Variants in FAAH2 observed in about 807,000 individuals in gnomAD.
FAAH2 encodes the protein fatty-acid amide hydrolase 2.
Under a neutral mutation model 36.9 loss-of-function variants are expected in FAAH2, and 60 were observed. The observed-to-expected ratio is 1.63, with a 90% CI of 1.32 to 2.02. FAAH2 has a LOEUF of 2.02. Among genes scored for constraint, FAAH2 ranks in the 30% most tolerant of loss-of-function variants. FAAH2 has a pLI of 0.00. For missense variants in FAAH2, 689 were observed against 397.5 expected (o/e 1.73, Z -6.23); for synonymous variants, 214 against 143.8 (o/e 1.49, Z -3.49).
At chrX:57,228,249 C>T in the FAAH2 span, among the ~76,000 whole-genome samples, 1 of 111,456 alleles carries the variant, frequency 9.0e-6, no homozygotes, top group South Asian at 3.8e-4. Context: ...TGGCCACCCT[C>T]CTGATGGATC....
the FAAH2 span, among the ~76,000 whole-genome samples, chrX:57,183,054 T>G: frequency 9.0e-6 from 1 of 110,588 alleles, no homozygotes; most frequent in African/African-American, 3.3e-5. Flanking sequence ...CATGGAGGCC[T>G]ACCTGAGGGC....
At chrX:57,331,918 C>A in intron 4 of FAAH2, 111 bp downstream of exon 4, 1 of 743,571 alleles carries the variant, frequency 1.3e-6, no homozygotes, top group South Asian at 3.0e-5. Flanking sequence ...AGAATGGATG[C>A]AAAAACCCAG....
At chrX:57,229,544 G>A in the FAAH2 span, 1 of 111,657 alleles carries the variant, frequency 9.0e-6, no homozygotes, top group Non-Finnish European at 1.9e-5. Context: ...CTGTCTGATG[G>A]AAAGGGTAGC....
At chrX:57,203,673 G>A in the FAAH2 span, among the ~76,000 whole-genome samples, 1 of 111,862 alleles carries the variant, frequency 8.9e-6, no homozygotes, top group East Asian at 2.8e-4. Flanking sequence ...AAATCACAGA[G>A]CCTCCAAGTA....
chrX:57,432,451 A>C (rs1199767328), intron 8 of FAAH2, among the ~76,000 whole-genome samples: 2 of 111,788 alleles, frequency 1.8e-5, no homozygotes, highest in African/African-American at 3.2e-5. Context: ...ATAAAGCCTT[A>C]AGTGATTAGG....
chrX:57,303,804 A>G (rs1034918543), intron 2 of FAAH2, among the ~76,000 whole-genome samples: 1 of 112,169 alleles, frequency 8.9e-6, no homozygotes, highest in Non-Finnish European at 1.9e-5. Flanking sequence ...TTTTTTTAAC[A>G]TAAGTAAGCT....
intron 6 of FAAH2, among the ~76,000 whole-genome samples, chrX:57,379,351 A>G (rs952315223): frequency 9.0e-6 from 1 of 111,378 alleles, no homozygotes; most frequent in Non-Finnish European, 1.9e-5. Flanking sequence ...ACATTTTTCT[A>G]GGTCTCCAGC....
intron 7 of FAAH2, among the ~76,000 whole-genome samples, chrX:57,385,903 G>A (rs2055010192): frequency 8.8e-5 from 2 of 22,630 alleles, no homozygotes. Context: ...GTGAGACTCC[G>A]TTAAAAAAAA....
chrX:57,331,947 GAGA>G, intron 4 of FAAH2, 140 bp downstream of exon 4: 1 of 570,669 alleles, frequency 1.8e-6, no homozygotes, highest in Non-Finnish European at 2.7e-6. Context: ...TGTGTTGATG[GAGA>G]AGAAATGGGA....
intron 7 of FAAH2, chrX:57,393,545 A>T (rs758422753): frequency 5.1e-6 from 5 of 971,759 alleles, no homozygotes; most frequent in Non-Finnish European, 7.4e-6. Context: ...GCCTGCATGG[A>T]CAAACACTGG....
chrX:57,332,587 G>A (rs951430885), intron 4 of FAAH2, among the ~76,000 whole-genome samples: 1 of 111,820 alleles, frequency 8.9e-6, no homozygotes, highest in Admixed American at 9.5e-5. Context: ...CAGCTTTAGA[G>A]AAACCTAAGC....
chrX:57,381,148 G>A (rs2054836562), intron 7 of FAAH2, 119 bp downstream of exon 7: 1 of 499,918 alleles, frequency 2.0e-6, no homozygotes, highest in Non-Finnish European at 3.3e-6. Flanking sequence ...AAGGTTTTCA[G>A]AACAGTTATA....
the FAAH2 span, among the ~76,000 whole-genome samples, chrX:57,165,317 C>T: frequency 3.6e-5 from 4 of 111,557 alleles, no homozygotes; most frequent in Non-Finnish European, 5.7e-5. Flanking sequence ...TAGACTGGAT[C>T]AAGAAAATGT....
At chrX:57,408,535 C>CTATTTATTTATTTATT (rs200375559) in intron 7 of FAAH2, among the ~76,000 whole-genome samples, 3 of 101,920 alleles carry the variant, frequency 2.9e-5, no homozygotes, top group Admixed American at 1.1e-4. Flanking sequence ...AATTTGCATG[C>CTATTTATTTATTTATT]TATTTATTTA....
intron 8 of FAAH2, among the ~76,000 whole-genome samples, chrX:57,434,625 C>A (rs1296210374): frequency 1.8e-5 from 2 of 109,677 alleles, no homozygotes; most frequent in Non-Finnish European, 3.8e-5. Context: ...GAACAAAGCC[C>A]TTAAGATGAG....
Position 57,488,871 on chromosome X carries a change from T to C in FAAH2, c.1538T>C (p.Leu513Pro). The C allele has an allele frequency of 8.3e-7, 1 of 1,211,206 alleles. No individual in the cohort carries two copies. The highest frequency in any genetic ancestry group is 1.7e-5 in the African/African-American group (1 of 57,698). The change falls in exon 11 of 11, where the codon CTG becomes CCG. Residue 513 changes from leucine (L) to proline (P), a missense_variant. Leu to Pro is a moderately conservative substitution (Grantham distance 98). Coordinates refer to ENST00000374900, the MANE Select transcript of FAAH2 (RefSeq NM_174912.4). ...VAGPFNDHLT[L>P]AVAQYLEKTF... ...GGACCCTTTAATGATCATCTGACCC[T>C]GGCTGTGGCCCAGTACTTGGAGAAA...
chrX:57,395,319 A>C, intron 7 of FAAH2: 1 of 657,147 alleles, frequency 1.5e-6, no homozygotes. Flanking sequence ...GAAACCAGGT[A>C]CTTGTCCTTC....
chrX:57,476,236 G>A (rs1462493671), intron 10 of FAAH2, among the ~76,000 whole-genome samples: 2 of 111,056 alleles, frequency 1.8e-5, no homozygotes, highest in Non-Finnish European at 3.8e-5. Context: ...ATACTGTGTT[G>A]AATAGGAGTG....
intron 2 of FAAH2, 105 bp downstream of exon 2, chrX:57,292,685 C>T: frequency 1.6e-6 from 1 of 625,102 alleles, no homozygotes; most frequent in Non-Finnish European, 2.4e-6. Context: ...TCTCTTTGTC[C>T]TTCCCTTGTT....
Sources: allele counts gnomAD v4.1 joint callset (sites outside exome capture counted in the v4.1 genomes callset), GRCh38; gene constraint gnomAD v4.1.1; transcripts MANE v1.5; gene names NCBI Gene and HGNC (gene_info 2026-07-23, HGNC 2026-07-21).